Variants in HIPK3 observed in about 807,000 individuals in gnomAD.
HIPK3 encodes the protein homeodomain interacting protein kinase 3, also known as homeodomain-interacting protein kinase 3.
A neutral mutation model predicts 124.2 loss-of-function variants in HIPK3; 47 were observed. The observed-to-expected ratio is 0.38, with a 90% CI of 0.30 to 0.48. The LOEUF is 0.48. Among genes scored for constraint, HIPK3 ranks in the 20% least tolerant of loss-of-function variants. The pLI is 0.98. For missense variants in HIPK3, 1,286 were observed against 1,454.3 expected, an observed-to-expected ratio of 0.88 and a Z score of 1.88; for synonymous variants, 482 against 515.2, an observed-to-expected ratio of 0.94 and a Z score of 0.87.
intron 14 of HIPK3, among the ~76,000 whole-genome samples, chr11:33,349,823 A>G (rs1383462922): frequency 1.3e-5 from 2 of 151,940 alleles, no homozygotes; most frequent in Non-Finnish European, 2.9e-5. Context: ...CTGGAGTGCA[A>G]TGGTGTGATC....
At chr11:33,302,356 T>TTTTTTTTTTTTG (rs1565074006) in intron 2 of HIPK3, among the ~76,000 whole-genome samples, 1 of 150,024 alleles carries the variant, frequency 6.7e-6, no homozygotes, top group African/African-American at 2.4e-5. Context: ...TTTTTTTTTT[T>TTTTTTTTTTTTG]GAGAAGGAGT....
chr11:33,331,090 C>G (rs537316792), intron 3 of HIPK3, among the ~76,000 whole-genome samples: 1 of 151,934 alleles, frequency 6.6e-6, no homozygotes, highest in African/African-American at 2.4e-5. Context: ...ATCATATTGA[C>G]GAGGCAGGTC....
intron 2 of HIPK3, among the ~76,000 whole-genome samples, chr11:33,302,195 C>G (rs925641533): frequency 5.3e-5 from 8 of 152,080 alleles, no homozygotes; most frequent in African/African-American, 1.9e-4. Context: ...CTTCTAGGTT[C>G]CTTCCTTCCC....
chr11:33,285,875 G>A (rs1281363912), intron 1 of HIPK3, among the ~76,000 whole-genome samples: 2 of 151,920 alleles, frequency 1.3e-5, no homozygotes, highest in East Asian at 3.9e-4. Flanking sequence ...AGGTTCAAGC[G>A]ATTCTCCTCC....
At chr11:33,315,187 C>G (rs1437425065) in intron 2 of HIPK3, among the ~76,000 whole-genome samples, 1 of 152,158 alleles carries the variant, frequency 6.6e-6, no homozygotes. Flanking sequence ...CTTAGCTTCT[C>G]TCTCTTGATA....
chr11:33,312,621 G>A (rs1852384401), intron 2 of HIPK3, among the ~76,000 whole-genome samples: 1 of 152,184 alleles, frequency 6.6e-6, no homozygotes, highest in Non-Finnish European at 1.5e-5. Flanking sequence ...CTTCTTAACA[G>A]AGTTGATAAG....
In HIPK3 at chr11:33,273,512, C is replaced by CAAAA. The variant is rs398015727; in HGVS notation, c.-2-12878_-2-12875dup. 1.2e-3 allele frequency among the ~76,000 whole-genome samples: 60 copies of CAAAA among 48,020 alleles called. 5 individuals are homozygous for CAAAA. The highest frequency in any genetic ancestry group is 1.8e-3 in the African/African-American group (17 of 9,530). The allele number at this position is 48,020 out of a possible 152,430, so 31.5% of individuals were successfully genotyped here. On this transcript the variant is annotated intron_variant, in intron 1 of 16. Transcript: ENST00000303296. Reference sequence around the variant, plus strand: ...GCGACAGAGTGAGACTCTGTCTCCACAAAAAAAAAAAAAAAAAAAAAAAAA... The same window carrying CAAAA: ...GCGACAGAGTGAGACTCTGTCTCCACAAAAAAAAAAAAAAAAAAAAAAAAAAAAA...
chr11:33,286,683 G>T lies in HIPK3; in HGVS notation c.269G>T (p.Gly90Val). The change falls in exon 2 of 17, where the codon GGT becomes GTT. Residue 90 changes from glycine to valine, a missense_variant. Physicochemically the swap from Gly to Val is moderately radical, Grantham distance 109 (BLOSUM62 -3). Transcript: ENST00000303296. ...GCTGTTGTTTTGAAAAACACTGCAG[G>T]TGCTACAAAGGTCATAGCAGCTCAG... ...TSAVVLKNTAGATKVIAAQAQ... is the reference protein window; with the variant it reads ...TSAVVLKNTAVATKVIAAQAQ... The T allele has an allele frequency of 1.2e-6, 2 of 1,614,080 alleles. No individual in the cohort carries two copies. Among genetic ancestry groups the T allele is most frequent in the Non-Finnish European group, 1.7e-6 (2 of 1,180,022 alleles).
rs79572411 is a variant in HIPK3, at chr11:33,343,794, C to T, written c.1897+2108C>T. Among the ~76,000 whole-genome samples, 224 of 152,058 alleles carry T rather than the reference C, an allele frequency of 1.5e-3. 2 individuals are homozygous for T. The East Asian group carries it at 0.019, about 13-fold the overall frequency. On this transcript the variant is annotated intron_variant, in intron 8 of 16. Coordinates refer to ENST00000303296, the MANE Select transcript of HIPK3 (RefSeq NM_005734.5). Reference sequence around the variant, plus strand: ...TATATTGGATTTTCAAGTAATGTATCATTGGGAGAAGGATTTATATCATAG... The same window carrying T: ...TATATTGGATTTTCAAGTAATGTATTATTGGGAGAAGGATTTATATCATAG...
intron 1 of HIPK3, among the ~76,000 whole-genome samples, chr11:33,275,525 T>G (rs1324763835): frequency 6.6e-6 from 1 of 152,192 alleles, no homozygotes; most frequent in Non-Finnish European, 1.5e-5. Flanking sequence ...TTGTTTTGTC[T>G]TTTATAAATA....
At chr11:33,301,609 C>T (rs1309628960) in intron 2 of HIPK3, among the ~76,000 whole-genome samples, 1 of 149,692 alleles carries the variant, frequency 6.7e-6, no homozygotes, top group African/African-American at 2.5e-5. Context: ...ATATTGGGAC[C>T]CCATCTCTAT....
chr11:33,261,296 G>A (rs1420321825), intron 1 of HIPK3, among the ~76,000 whole-genome samples: 7 of 150,950 alleles, frequency 4.6e-5, no homozygotes, highest in African/African-American at 1.5e-4. Context: ...TTTGATGTAC[G>A]GATTATTTTG....
Position 33,328,558 on chromosome 11 carries a change from G to T in HIPK3, c.1146G>T (p.Met382Ile). Residue 382 changes from methionine (M) to isoleucine (I), a missense_variant, in exon 3 of 17, where the codon ATG becomes ATT. Around this residue, in one of 3 missense-constraint regions of HIPK3, gnomAD observed 251 missense variants for 349.1 expected, o/e 0.72. Transcript: ENST00000303296. ...LGLPFCEAID[M>I]WSLGCVIAEL... ...TGCCATTTTGTGAAGCCATAGACAT[G>T]TGGTCATTGGGATGTGTGATTGCAG... 6.2e-7 allele frequency: 1 copy of T among 1,613,228 alleles called. No individual in the cohort carries two copies. Among genetic ancestry groups the T allele is most frequent in the Non-Finnish European group, 8.5e-7 (1 of 1,179,244 alleles).
intron 1 of HIPK3, among the ~76,000 whole-genome samples, chr11:33,282,815 A>G (rs551872982): frequency 7.2e-5 from 11 of 152,014 alleles, no homozygotes; most frequent in Non-Finnish European, 1.5e-4. Context: ...GTTCGAACCT[A>G]TAGTCTATTT....
At chr11:33,323,538 C>T (rs1021365386) in intron 2 of HIPK3, among the ~76,000 whole-genome samples, 8 of 152,182 alleles carry the variant, frequency 5.3e-5, no homozygotes, top group African/African-American at 1.4e-4. Flanking sequence ...CCACCACGTC[C>T]GGCTGGATTC....
chr11:33,286,697 A>G lies in HIPK3; in HGVS notation c.283A>G (p.Ile95Val), dbSNP rs1851564125. 6.2e-7 allele frequency: 1 copy of G among 1,614,014 alleles called. No individual in the cohort carries two copies. The highest frequency in any genetic ancestry group is 1.3e-5 in the African/African-American group (1 of 74,944). The change falls in exon 2 of 17, where the codon ATA becomes GTA. Residue 95 changes from isoleucine to valine, a missense_variant. Ile to Val is a conservative substitution (Grantham distance 29, BLOSUM62 3). Coordinates refer to ENST00000303296, the MANE Select transcript of HIPK3 (RefSeq NM_005734.5). Reference protein sequence around the residue: ...LKNTAGATKVIAAQAQQAHVQ... With the variant: ...LKNTAGATKVVAAQAQQAHVQ... The stretch of plus-strand genomic sequence containing the variant: ...AAACACTGCAGGTGCTACAAAGGTC[A>G]TAGCAGCTCAGGCACAGCAAGCTCA...
Position 33,353,302 on chromosome 11 carries a change from A to G in HIPK3, c.3382A>G (p.Ser1128Gly), listed in dbSNP as rs768481281. The change falls in exon 17 of 17, where the codon AGT (serine) becomes GGT (glycine). Residue 1128 changes from serine (S) to glycine (G), a missense_variant. Physicochemically the swap from Ser to Gly is moderately conservative, Grantham distance 56. This residue lies in a region of HIPK3 where 810 missense variants were observed against 864.9 expected (regional missense o/e 0.94). Transcript: ENST00000303296. Reference protein sequence around the residue: ...LLPYPSSATLSSAAPVAHLLA... With the variant: ...LLPYPSSATLGSAAPVAHLLA... ...TCCATACCCATCATCAGCCACCCTC[A>G]GTAGTGCTGCACCAGTGGCCCACCT... The G allele has an allele frequency of 5.6e-6, 9 of 1,614,160 alleles. No homozygotes were observed. Among genetic ancestry groups the G allele is most frequent in the South Asian group, 5.5e-5 (5 of 91,084 alleles).
chr11:33,277,032 A>G (rs1342737527), intron 1 of HIPK3, among the ~76,000 whole-genome samples: 3 of 152,210 alleles, frequency 2.0e-5, no homozygotes, highest in Non-Finnish European at 4.4e-5. Flanking sequence ...AAAATAAACA[A>G]TTACTAAAAT....
chr11:33,299,599 A>T (rs1438406430), intron 2 of HIPK3, among the ~76,000 whole-genome samples: 2 of 152,216 alleles, frequency 1.3e-5, no homozygotes, highest in Non-Finnish European at 2.9e-5. Flanking sequence ...AGCCAGCAGC[A>T]AGGTTTGAGA....
Sources: allele counts gnomAD v4.1 joint callset (sites outside exome capture counted in the v4.1 genomes callset), GRCh38; gene constraint gnomAD v4.1.1; regional missense constraint gnomAD v4.1.1; transcripts MANE v1.5; gene names NCBI Gene and HGNC (gene_info 2026-07-23, HGNC 2026-07-21).